ZDHHC17: variants seen among roughly 807,000 people sequenced by gnomAD.
ZDHHC17 encodes the protein palmitoyltransferase ZDHHC17.
A neutral mutation model predicts 90.3 loss-of-function variants in ZDHHC17; 40 were observed. The observed-to-expected ratio is 0.44, with a 90% CI of 0.34 to 0.58. The LOEUF (loss-of-function observed/expected upper bound fraction) is 0.58, where lower values mean the gene tolerates loss of function less well. ZDHHC17 is among the 20% of genes least tolerant of loss of function. The probability of loss-of-function intolerance (pLI) is 0.01; values close to 1 mark genes in which losing one functional copy is unlikely to be tolerated. For synonymous variants in ZDHHC17, 235 were observed against 252.4 expected (o/e 0.93, Z 0.65); for missense variants, 614 against 780.8 (o/e 0.79, Z 2.55).
intron 2 of ZDHHC17, among the ~76,000 whole-genome samples, chr12:76,801,260 T>G (rs1330621708): frequency 6.6e-6 from 1 of 151,992 alleles, no homozygotes; most frequent in East Asian, 1.9e-4. Flanking sequence ...TTTTGTGTGT[T>G]TAGTTCAATT....
At chr12:76,782,688 A>G (rs1281374632) in intron 1 of ZDHHC17, among the ~76,000 whole-genome samples, 1 of 152,178 alleles carries the variant, frequency 6.6e-6, no homozygotes, top group Non-Finnish European at 1.5e-5. Flanking sequence ...TACAGAGGGA[A>G]GTCTTGTCAG....
chr12:76,808,586 C>G (rs1394248196), intron 3 of ZDHHC17, among the ~76,000 whole-genome samples: 1 of 152,092 alleles, frequency 6.6e-6, no homozygotes, highest in Non-Finnish European at 1.5e-5. Context: ...CAAGAAATAA[C>G]AAGGCATAGT....
At chr12:76,783,851 T>C (rs1037646934) in intron 1 of ZDHHC17, among the ~76,000 whole-genome samples, 1 of 152,206 alleles carries the variant, frequency 6.6e-6, no homozygotes, top group Non-Finnish European at 1.5e-5. Context: ...TTTGAACATA[T>C]ACACAGAGGA....
intron 10 of ZDHHC17, among the ~76,000 whole-genome samples, chr12:76,829,484 A>AAAAAAAG (rs1953272462): frequency 8.3e-6 from 1 of 119,996 alleles, no homozygotes; most frequent in African/African-American, 3.0e-5. Flanking sequence ...AAAAAAAAAA[A>AAAAAAAG]GAACTACCAT....
intron 1 of ZDHHC17, chr12:76,769,112 G>A: frequency 2.4e-6 from 1 of 415,934 alleles, no homozygotes; most frequent in Non-Finnish European, 4.9e-6. Context: ...AGGCTGAAGT[G>A]CAATGACGTG....
intron 7 of ZDHHC17, among the ~76,000 whole-genome samples, chr12:76,820,239 G>C (rs2137776115): frequency 6.6e-6 from 1 of 152,010 alleles, no homozygotes; most frequent in African/African-American, 2.4e-5. Flanking sequence ...AGACTCAAAA[G>C]AATTTAAGAA....
At chr12:76,806,468 G>A (rs1952954670) in intron 3 of ZDHHC17, among the ~76,000 whole-genome samples, 1 of 152,062 alleles carries the variant, frequency 6.6e-6, no homozygotes, top group South Asian at 2.1e-4. Context: ...AAGGACCAGA[G>A]GGTTTAAATG....
intron 13 of ZDHHC17, 65 bp downstream of exon 13, chr12:76,845,867 A>G: frequency 2.2e-6 from 2 of 895,338 alleles, no homozygotes; most frequent in Non-Finnish European, 3.6e-6. Flanking sequence ...TGAATAAAGT[A>G]TAATATTAAA....
chr12:76,826,676 T>G (rs1391241967), intron 8 of ZDHHC17, among the ~76,000 whole-genome samples: 2 of 152,214 alleles, frequency 1.3e-5, no homozygotes, highest in Non-Finnish European at 2.9e-5. Context: ...TAGAACCAAC[T>G]GCTATAACTT....
At chr12:76,816,104 C>A in intron 7 of ZDHHC17, 85 bp downstream of exon 7, 1 of 1,162,686 alleles carries the variant, frequency 8.6e-7, no homozygotes, top group Non-Finnish European at 1.1e-6. Flanking sequence ...CATAGACTGT[C>A]AGAGTTGAAA....
intron 5 of ZDHHC17, among the ~76,000 whole-genome samples, chr12:76,813,042 C>A (rs988552131): frequency 1.1e-4 from 17 of 152,064 alleles, no homozygotes; most frequent in Admixed American, 9.8e-4. Flanking sequence ...TTTCATTTTT[C>A]TTTTAGTACT....
chr12:76,793,102 CTT>C (rs1368623407), intron 1 of ZDHHC17, among the ~76,000 whole-genome samples: 1 of 152,230 alleles, frequency 6.6e-6, no homozygotes, highest in Non-Finnish European at 1.5e-5. Context: ...TGCTGAACCT[CTT>C]TTGGTTATTA....
intron 10 of ZDHHC17, among the ~76,000 whole-genome samples, chr12:76,832,535 T>A (rs1427921733): frequency 2.6e-5 from 4 of 152,358 alleles, no homozygotes; most frequent in African/African-American, 9.6e-5. Context: ...GATCATCAGT[T>A]GATCACTACA....
intron 5 of ZDHHC17, among the ~76,000 whole-genome samples, chr12:76,811,327 G>A (rs1036902359): frequency 9.9e-5 from 15 of 152,132 alleles, no homozygotes; most frequent in African/African-American, 3.4e-4. Flanking sequence ...CACATCACAA[G>A]GTCTTTAGTG....
intron 1 of ZDHHC17, among the ~76,000 whole-genome samples, chr12:76,769,429 A>G (rs1180221893): frequency 3.3e-5 from 5 of 152,088 alleles, no homozygotes; most frequent in African/African-American, 1.2e-4. Context: ...TGTATATATT[A>G]TATGTGTGTG....
At chr12:76,794,536 A>C (rs1367630903) in intron 1 of ZDHHC17, among the ~76,000 whole-genome samples, 2 of 152,212 alleles carry the variant, frequency 1.3e-5, no homozygotes, top group African/African-American at 4.8e-5. Flanking sequence ...TTTAGTGAGT[A>C]TAACTCTGCC....
At position 76,790,880 on chromosome 12, in the gene ZDHHC17, A is replaced by G. The variant is rs1952751887; in HGVS notation, c.94-6554A>G. Among the ~76,000 whole-genome samples, 4 of 151,732 alleles carry G rather than the reference A, an allele frequency of 2.6e-5. No individual in the cohort carries two copies. In the South Asian group the frequency reaches 6.2e-4, roughly 24 times the overall value. On this transcript the variant is annotated intron_variant, in intron 1 of 16. Coordinates refer to ENST00000426126, the MANE Select transcript of ZDHHC17 (RefSeq NM_015336.4). ...GGATATAAAAGTACAGCTAGTTAGG[A>G]GGAATAAGTCCTAGTGTTCTATAGT...
rs952207645 is a variant in ZDHHC17 at position 76,810,851 on chromosome 12, C to G, written c.543+994C>G. Among the ~76,000 whole-genome samples the G allele has an allele frequency of 2.0e-5, 3 of 152,260 alleles. 1 individual carries two copies. Among genetic ancestry groups the G allele is most frequent in the Admixed American group, 2.0e-4 (3 of 15,280 alleles). ...CTCCTTGGCTGGTGGCTGCAGTTGT[C>G]TGGCGGCTTGACTGAGCTGGAAGAT... is the stretch of plus-strand genomic sequence containing the variant. On this transcript the variant is annotated intron_variant, in intron 5 of 16. Transcript: ENST00000426126.
intron 1 of ZDHHC17, among the ~76,000 whole-genome samples, chr12:76,774,288 A>G (rs1475909140): frequency 1.4e-5 from 2 of 144,764 alleles, no homozygotes; most frequent in African/African-American, 5.0e-5. Flanking sequence ...GTGTATGTGT[A>G]TGTGTGTAAA....
Sources: allele counts gnomAD v4.1 joint callset (sites outside exome capture counted in the v4.1 genomes callset), GRCh38; gene constraint gnomAD v4.1.1; transcripts MANE v1.5; gene names NCBI Gene and HGNC (gene_info 2026-07-23, HGNC 2026-07-21).